OLA1: variants seen among roughly 807,000 people sequenced by gnomAD.
OLA1 encodes the protein obg-like ATPase 1.
A neutral mutation model predicts 48.4 loss-of-function variants in OLA1; 14 were observed. The observed-to-expected ratio is 0.29, with a 90% confidence interval of 0.19 to 0.45. The LOEUF is 0.45. OLA1 is among the 20% of genes least tolerant of loss of function. The probability of loss-of-function intolerance (pLI) is 1.00; values close to 1 mark genes in which losing one functional copy is unlikely to be tolerated. For missense variants in OLA1, 325 were observed against 467.1 expected (o/e 0.70, Z 2.80); for synonymous variants, 127 against 150.4 (o/e 0.84, Z 1.14).
At chr2:174,226,480 C>T (rs1241690273) in intron 3 of OLA1, among the ~76,000 whole-genome samples, 1 of 144,984 alleles carries the variant, frequency 6.9e-6, no homozygotes, top group Non-Finnish European at 1.5e-5. Flanking sequence ...TATTAATGTT[C>T]TTTTTTTTTT....
intron 4 of OLA1, among the ~76,000 whole-genome samples, chr2:174,215,783 A>C (rs926974616): frequency 1.3e-5 from 2 of 152,250 alleles, no homozygotes; most frequent in African/African-American, 4.8e-5. Flanking sequence ...AGTTAATTGT[A>C]GTCCATATTG....
intron 1 of OLA1, chr2:174,247,919 A>ACGT: frequency 1.0e-6 from 1 of 987,454 alleles, no homozygotes; most frequent in Non-Finnish European, 1.5e-6. Context: ...CGCTAAGCTC[A>ACGT]CGTCTCAGAA....
Position 174,207,059 on chromosome 2 carries a change from C to G in OLA1, c.373+15974G>C, listed in dbSNP as rs573865981. ...GCGGAGGAAGGTGGGCTCTTGAAAA[C>G]AGTAATTTATGTTCATGGTTACTAA... is the stretch of plus-strand genomic sequence containing the variant. On this transcript the variant is annotated intron_variant, in intron 4 of 10. Transcript: ENST00000284719. 6.6e-5 allele frequency among the ~76,000 whole-genome samples: 10 copies of G among 152,144 alleles called. No individual in the cohort carries two copies. In the East Asian group the frequency reaches 1.3e-3, roughly 21 times the overall value.
intron 4 of OLA1, among the ~76,000 whole-genome samples, chr2:174,144,336 G>A (rs1161472977): frequency 6.6e-6 from 1 of 151,924 alleles, no homozygotes; most frequent in Non-Finnish European, 1.5e-5. Flanking sequence ...CCTTTGTATT[G>A]TGAGGTGGTA....
At chr2:174,078,279 G>A (rs1367258543) in intron 10 of OLA1, among the ~76,000 whole-genome samples, 2 of 151,882 alleles carry the variant, frequency 1.3e-5, no homozygotes, top group East Asian at 1.9e-4. Context: ...TTCCTACAAT[G>A]TCAGTTTAAC....
intron 7 of OLA1, among the ~76,000 whole-genome samples, chr2:174,088,877 AAAAT>A (rs5836449): frequency 0.077 from 11,442 of 147,994 alleles, 563 homozygotes; most frequent in African/African-American, 0.15. Flanking sequence ...TCCTGTCTCA[AAAAT>A]AAATAAATAA....
At chr2:174,230,719 C>A (rs1688710156) in intron 2 of OLA1, among the ~76,000 whole-genome samples, 1 of 152,044 alleles carries the variant, frequency 6.6e-6, no homozygotes, top group Non-Finnish European at 1.5e-5. Context: ...GACTAAAAAC[C>A]AGATTTCTTC....
intron 4 of OLA1, among the ~76,000 whole-genome samples, chr2:174,177,561 T>C (rs1413320467): frequency 6.6e-6 from 1 of 152,136 alleles, no homozygotes; most frequent in Non-Finnish European, 1.5e-5. Context: ...CATGCATCTC[T>C]GCACTTCTTA....
chr2:174,171,862 C>G (rs1395002561), intron 4 of OLA1: 3 of 152,756 alleles, frequency 2.0e-5, no homozygotes, highest in African/African-American at 7.2e-5. Flanking sequence ...TCACCACCTC[C>G]GCAACCACTG....
At chr2:174,118,708 A>G (rs1685841190) in intron 7 of OLA1, among the ~76,000 whole-genome samples, 1 of 152,202 alleles carries the variant, frequency 6.6e-6, no homozygotes. Flanking sequence ...AAATTACATC[A>G]CTCACAAATC....
At chr2:174,168,907 G>A (rs553220202) in intron 4 of OLA1, among the ~76,000 whole-genome samples, 18 of 150,842 alleles carry the variant, frequency 1.2e-4, no homozygotes, top group South Asian at 1.1e-3. Flanking sequence ...GAATAAAAAC[G>A]AACAGAGCCT....
chr2:174,187,611 T>C (rs1687683986), intron 4 of OLA1, among the ~76,000 whole-genome samples: 1 of 152,244 alleles, frequency 6.6e-6, no homozygotes, highest in African/African-American at 2.4e-5. Context: ...GAAATTGTTT[T>C]GCTCATCCTC....
intron 4 of OLA1, among the ~76,000 whole-genome samples, chr2:174,191,604 G>A (rs963666948): frequency 2.0e-5 from 3 of 152,008 alleles, no homozygotes; most frequent in Non-Finnish European, 4.4e-5. Flanking sequence ...AGAGGCACCC[G>A]TCACCATACT....
rs1391694783 is a variant in OLA1 at position 174,111,930 on chromosome 2, T to G, written c.728+11250A>C. On this transcript the variant is annotated intron_variant, in intron 7 of 10. Transcript: ENST00000284719. ...ACTCTTTTATGTACTGTCCCTACAA[T>G]GGCTATTAAATTGGAAAATAGTTTT... Among the ~76,000 whole-genome samples, 6 of 152,318 alleles carry G rather than the reference T, an allele frequency of 3.9e-5. No individual in the cohort carries two copies. The South Asian group carries it at 1.0e-3, about 26-fold the overall frequency.
chr2:174,144,951 A>T (rs7562503), intron 4 of OLA1, among the ~76,000 whole-genome samples: 5,543 of 39,692 alleles, frequency 0.14, 660 homozygotes, highest in Middle Eastern at 0.17. Flanking sequence ...AAAAAAAAAA[A>T]ATATATATAT....
intron 4 of OLA1, among the ~76,000 whole-genome samples, chr2:174,172,938 C>G (rs1421826590): frequency 1.3e-5 from 2 of 152,122 alleles, no homozygotes; most frequent in African/African-American, 4.8e-5. Context: ...GGCACTCTCT[C>G]TAGCTCCATC....
Position 174,074,376 on chromosome 2 carries a change from A to G in OLA1, c.*1050T>C, listed in dbSNP as rs1684676130. The G allele has an allele frequency of 6.6e-6, 1 of 152,240 alleles. No homozygotes were observed. The highest frequency in any genetic ancestry group is 1.5e-5 in the Non-Finnish European group (1 of 68,046). 9.4% of individuals were successfully genotyped at this position (152,240 alleles called of 1,614,324 possible). On this transcript the variant is annotated 3_prime_UTR_variant, in exon 11 of 11. Coordinates refer to ENST00000284719, the MANE Select transcript of OLA1 (RefSeq NM_013341.5). ...GAAGGCTAAGTGGCAAAGGGTCTCC[A>G]AATTACCAATTTGTTCTAGTCTTTC...
intron 4 of OLA1, among the ~76,000 whole-genome samples, chr2:174,160,035 C>T (rs940188560): frequency 9.9e-5 from 15 of 151,954 alleles, no homozygotes; most frequent in South Asian, 6.2e-4. Context: ...TTATAAAATG[C>T]TATTATATTA....
chr2:174,122,454 A>C (rs1685933981), intron 7 of OLA1, among the ~76,000 whole-genome samples: 1 of 152,230 alleles, frequency 6.6e-6, no homozygotes, highest in South Asian at 2.1e-4. Context: ...GTTTAGGAGA[A>C]TTCAGATATT....
Sources: gnomAD v4.1 joint callset for allele counts (sites outside exome capture counted in the v4.1 genomes callset) on GRCh38, gnomAD v4.1.1 for gene constraint, MANE v1.5 for transcripts, NCBI Gene and HGNC (gene_info 2026-07-23, HGNC 2026-07-21) for gene names.